The following PACRG variants were observed in gnomAD, a reference collection of about 807,000 sequenced individuals.
PACRG encodes parkin coregulated, also known as parkin coregulated gene protein.
Under a neutral mutation model 29.7 loss-of-function variants are expected in PACRG, and 29 were observed. That is an observed-to-expected ratio of 0.98 (90% CI 0.73 to 1.33). The LOEUF is 1.33. Ranked by LOEUF, PACRG falls within the 40% of genes most tolerant of loss-of-function variation. The pLI is 0.00. For missense variants in PACRG, 279 were observed against 316.2 expected (o/e 0.88, Z 0.89); for synonymous variants, 116 against 118.7 (o/e 0.98, Z 0.15).
At chr6:163,144,850 C>T (rs1777731886) in intron 4 of PACRG, among the ~76,000 whole-genome samples, 1 of 152,190 alleles carries the variant, frequency 6.6e-6, no homozygotes, top group Non-Finnish European at 1.5e-5. Context: ...GCAGTAACAT[C>T]AGGTACAGAT....
chr6:163,054,976 T>TACAA (rs1473303796), intron 2 of PACRG, among the ~76,000 whole-genome samples: 1 of 151,888 alleles, frequency 6.6e-6, no homozygotes, highest in Admixed American at 6.6e-5. Flanking sequence ...GTGTTGGGGG[T>TACAA]ACAACTTCAC....
At chr6:163,108,646 C>T (rs1162289031) in intron 4 of PACRG, among the ~76,000 whole-genome samples, 1 of 152,058 alleles carries the variant, frequency 6.6e-6, no homozygotes, top group African/African-American at 2.4e-5. Context: ...ACCTCAACCT[C>T]TCAAAGTGCT....
chr6:163,269,975 G>C lies in PACRG; in HGVS notation c.614-44852G>C, dbSNP rs868000371. On this transcript the variant is annotated intron_variant, in intron 4 of 4. Coordinates refer to ENST00000366888, the MANE Select transcript of PACRG (RefSeq NM_001080379.2). The stretch of plus-strand genomic sequence containing the variant: ...AGAAAGAAAGAAAGAAAGAAAGAAA[G>C]AAAGAAAGAAAGAAAGAAAGAAAGA... Among the ~76,000 whole-genome samples the C allele has an allele frequency of 2.2e-3, 172 of 79,986 alleles. 17 individuals are homozygous for C. Among genetic ancestry groups the C allele is most frequent in the East Asian group, 2.6e-3 (7 of 2,648 alleles). The allele number at this position is 79,986 out of a possible 152,430, so 52.5% of individuals were successfully genotyped here. A position where few individuals can be genotyped will look rare whatever the true frequency, so the allele number is the denominator to read the frequency against.
chr6:162,814,064 C>T lies in PACRG; in HGVS notation c.157-83C>T, dbSNP rs572890650. On this transcript the variant is annotated intron_variant, in intron 1 of 4. Coordinates refer to ENST00000366888, the MANE Select transcript of PACRG (RefSeq NM_001080379.2). ...CCAACATATTTATACAAACTGAAAT[C>T]TTTAAAAACAGAAAGTTCTTTTATT... The T allele has an allele frequency of 9.3e-6, 13 of 1,400,392 alleles. No homozygotes were observed. The African/African-American group carries it at 1.5e-4, about 16-fold the overall frequency. 86.7% of individuals were successfully genotyped at this position (1,400,392 alleles called of 1,614,324 possible). A position where few individuals can be genotyped will look rare whatever the true frequency, so the allele number is the denominator to read the frequency against.
At chr6:163,301,028 G>A (rs9458783) in intron 4 of PACRG, among the ~76,000 whole-genome samples, 99 of 135,686 alleles carry the variant, frequency 7.3e-4, no homozygotes, top group Admixed American at 1.3e-3. Context: ...GTAGGGCCAC[G>A]TCAGCTGCTG....
chr6:162,741,727 A>T (rs1234801457), intron 1 of PACRG, among the ~76,000 whole-genome samples: 1 of 152,210 alleles, frequency 6.6e-6, no homozygotes, highest in African/African-American at 2.4e-5. Flanking sequence ...ATCTGTCAAG[A>T]CTGGAAGAAG....
intron 1 of PACRG, among the ~76,000 whole-genome samples, chr6:162,785,102 AT>A (rs1344859515): frequency 1.3e-5 from 2 of 150,772 alleles, no homozygotes; most frequent in East Asian, 2.0e-4. Flanking sequence ...TTCCCAGCTA[AT>A]TTTTTTTCAG....
chr6:162,887,703 GT>G (rs151218943), intron 2 of PACRG, among the ~76,000 whole-genome samples: 1,774 of 152,202 alleles, frequency 0.012, 32 homozygotes, highest in African/African-American at 0.041. Flanking sequence ...ATCCCAGAAA[GT>G]TTTGACCTCG....
intron 4 of PACRG, among the ~76,000 whole-genome samples, chr6:163,267,219 C>A (rs1392189766): frequency 1.3e-5 from 2 of 152,196 alleles, no homozygotes; most frequent in African/African-American, 4.8e-5. Flanking sequence ...ATGACCCCTG[C>A]ATTCTTCCAT....
chr6:162,811,393 C>T (rs1425568195), intron 1 of PACRG, among the ~76,000 whole-genome samples: 7 of 152,152 alleles, frequency 4.6e-5, no homozygotes, highest in Admixed American at 1.3e-4. Flanking sequence ...TTAAATAAAA[C>T]GGGCCAATTC....
At chr6:162,980,441 T>A (rs1258361897) in intron 2 of PACRG, among the ~76,000 whole-genome samples, 2 of 152,130 alleles carry the variant, frequency 1.3e-5, no homozygotes, top group Non-Finnish European at 2.9e-5. Context: ...GGTGCTACCA[T>A]GATGTTTTTC....
Position 162,945,157 on chromosome 6 carries a change from T to G in PACRG, c.292-116993T>G, listed in dbSNP as rs529024648. On this transcript the variant is annotated intron_variant, in intron 2 of 4. Coordinates refer to ENST00000366888, the MANE Select transcript of PACRG (RefSeq NM_001080379.2). ...AAAGTGACAGCAATAAGCCTTCACA[T>G]ATCAATGATAACCTTGAATGTAAAC... is the stretch of plus-strand genomic sequence containing the variant. Among the ~76,000 whole-genome samples the G allele has an allele frequency of 5.9e-5, 9 of 152,272 alleles. No individual in the cohort carries two copies. The South Asian group carries it at 1.9e-3, about 32-fold the overall frequency.
In PACRG at chr6:162,994,287, C is replaced by G. The variant is rs558082170; in HGVS notation, c.292-67863C>G. 5.7e-4 allele frequency among the ~76,000 whole-genome samples: 85 copies of G among 150,172 alleles called. 3 individuals carry two copies. In the East Asian group the frequency reaches 0.016, roughly 29 times the overall value. Reference sequence around the variant, plus strand: ...GTATTTCCTGAATCTGAACGTTGGCCTGCCTTGCTAGATTGGGAAAGTTCT... The same window carrying G: ...GTATTTCCTGAATCTGAACGTTGGCGTGCCTTGCTAGATTGGGAAAGTTCT... On this transcript the variant is annotated intron_variant, in intron 2 of 4. Transcript: ENST00000366888.
intron 2 of PACRG, among the ~76,000 whole-genome samples, chr6:162,874,450 A>C (rs966601489): frequency 6.6e-6 from 1 of 152,038 alleles, no homozygotes; most frequent in African/African-American, 2.4e-5. Context: ...GGGTCTGTTC[A>C]CAGGAGGGCA....
At chr6:163,066,705 G>A (rs1811576380) in intron 3 of PACRG, among the ~76,000 whole-genome samples, 1 of 152,134 alleles carries the variant, frequency 6.6e-6, no homozygotes, top group African/African-American at 2.4e-5. Context: ...GATGAAGAAT[G>A]TAACATCCAA....
intron 3 of PACRG, among the ~76,000 whole-genome samples, chr6:163,079,269 T>G (rs1314592500): frequency 6.6e-6 from 1 of 152,082 alleles, no homozygotes; most frequent in Non-Finnish European, 1.5e-5. Context: ...TCTATAACAT[T>G]CATCCAAGTT....
chr6:163,070,228 A>C (rs2128277969), intron 3 of PACRG, among the ~76,000 whole-genome samples: 1 of 152,214 alleles, frequency 6.6e-6, no homozygotes, highest in Middle Eastern at 3.4e-3. Flanking sequence ...AAGGAACAGA[A>C]CTCACTGGTA....
intron 2 of PACRG, among the ~76,000 whole-genome samples, chr6:163,015,738 G>A (rs563564019): frequency 6.6e-6 from 1 of 152,224 alleles, no homozygotes; most frequent in South Asian, 2.1e-4. Flanking sequence ...AGTTCCAGGA[G>A]CTTTTTGGTG....
chr6:162,979,615 G>T (rs560468945), intron 2 of PACRG, among the ~76,000 whole-genome samples: 35 of 152,124 alleles, frequency 2.3e-4, no homozygotes, highest in African/African-American at 8.2e-4. Context: ...ATGTTGTGAA[G>T]CCCCCTTTTG....
Sources: gnomAD v4.1 joint callset for allele counts (sites outside exome capture counted in the v4.1 genomes callset) on GRCh38, gnomAD v4.1.1 for gene constraint, MANE v1.5 for transcripts, NCBI Gene and HGNC (gene_info 2026-07-23, HGNC 2026-07-21) for gene names.